The following EIF3A variants were observed in gnomAD, a reference collection of about 807,000 sequenced individuals.
The protein encoded by EIF3A is eukaryotic translation initiation factor 3 subunit A.
EIF3A carries 21 observed loss-of-function variants against 186.6 expected under a neutral mutation model. That is an observed-to-expected ratio of 0.11 (90% CI 0.08 to 0.16). The LOEUF (loss-of-function observed/expected upper bound fraction) is 0.16, where lower values mean the gene tolerates loss of function less well. Among genes scored for constraint, EIF3A ranks in the 10% least tolerant of loss-of-function variants. EIF3A has a pLI of 1.00. For synonymous variants in EIF3A, 563 were observed against 584.3 expected (o/e 0.96, Z 0.52); for missense variants, 1,306 against 1,796.3 (o/e 0.73, Z 4.93).
At chr10:119,060,890 G>A (rs370488629) in intron 8 of EIF3A, 46 bp from the exon 9 acceptor site, 10 of 1,303,064 alleles carry the variant, frequency 7.7e-6, no homozygotes, top group East Asian at 7.1e-5. Flanking sequence ...TTCTACATAA[G>A]AGATACTAAA....
intron 6 of EIF3A, among the ~76,000 whole-genome samples, chr10:119,067,910 A>C (rs1844006419): frequency 6.6e-6 from 1 of 152,084 alleles, no homozygotes; most frequent in South Asian, 2.1e-4. Context: ...TCCCAGGTTC[A>C]AGCCATTCTC....
intron 4 of EIF3A, among the ~76,000 whole-genome samples, chr10:119,071,290 T>C (rs1844065873): frequency 6.6e-6 from 1 of 152,188 alleles, no homozygotes; most frequent in Non-Finnish European, 1.5e-5. Flanking sequence ...ACATAATCAC[T>C]GGTCCTTGCT....
intron 7 of EIF3A, among the ~76,000 whole-genome samples, chr10:119,063,046 G>A (rs1199245271): frequency 1.3e-5 from 2 of 151,952 alleles, no homozygotes; most frequent in South Asian, 2.1e-4. Context: ...GAGCCACCGC[G>A]CCTAGCCAAG....
intron 7 of EIF3A, 29 bp downstream of exon 7, chr10:119,065,370 G>A (rs908742886): frequency 4.1e-5 from 63 of 1,555,202 alleles, no homozygotes; most frequent in Non-Finnish European, 5.4e-5. Context: ...TCTGCCCAAA[G>A]CTACAAAAAT....
At position 119,059,344 on chromosome 10, in the gene EIF3A, A is replaced by G. The variant is rs761397980; in HGVS notation, c.1497T>C (p.Tyr499=). The G allele has an allele frequency of 1.9e-5, 30 of 1,611,828 alleles. No individual in the cohort carries two copies. Among genetic ancestry groups the G allele is most frequent in the Non-Finnish European group, 2.3e-5 (27 of 1,179,208 alleles). ...RTLSFGSDLN[Y]ATREDAPIGP... is the part of the protein sequence containing the mutation. ...CAATCGGAGCATCTTCTCGAGTAGCATAATTCAAATCAGATCCAAAACTCA... is the reference window on the plus strand; with the variant it reads ...CAATCGGAGCATCTTCTCGAGTAGCGTAATTCAAATCAGATCCAAAACTCA... The change falls in exon 11 of 22, where the codon TAT becomes TAC. Residue 499 remains tyrosine, a synonymous_variant. Coordinates refer to ENST00000369144, the MANE Select transcript of EIF3A (RefSeq NM_003750.4).
Position 119,073,550 on chromosome 10 carries a change from C to T in EIF3A, c.268G>A (p.Val90Ile). Residue 90 changes from valine (V) to isoleucine (I), a missense_variant, in exon 3 of 22, where the codon GTT (valine) becomes ATT (isoleucine). Physicochemically the swap from Val to Ile is conservative, Grantham distance 29 (BLOSUM62 3). Around this residue, in one of 8 missense-constraint regions of EIF3A, gnomAD observed 130 missense variants for 259.3 expected, o/e 0.50. Coordinates refer to ENST00000369144, the MANE Select transcript of EIF3A (RefSeq NM_003750.4). The part of the protein sequence containing the change: ...QVNIKSLEDV[V>I]RAYLKMAEEK... Reference sequence around the variant, plus strand: ...TCTGCCATTTTCAAATATGCCCTAACAACATCCTCCAGAGATTTTATGTTC... The same window carrying T: ...TCTGCCATTTTCAAATATGCCCTAATAACATCCTCCAGAGATTTTATGTTC... 1 of 1,613,052 alleles carries T rather than the reference C, an allele frequency of 6.2e-7. No homozygotes were observed. The highest frequency in any genetic ancestry group is 8.5e-7 in the Non-Finnish European group (1 of 1,179,450).
At chr10:119,064,269 A>C (rs753819422) in intron 7 of EIF3A, among the ~76,000 whole-genome samples, 2 of 152,226 alleles carry the variant, frequency 1.3e-5, no homozygotes, top group African/African-American at 2.4e-5. Flanking sequence ...AAAATATTTT[A>C]GTTCTTCAGA....
At position 119,050,622 on chromosome 10, in the gene EIF3A, A is replaced by G. The variant is rs771793248; in HGVS notation, c.2372T>C (p.Leu791Ser). The G allele has an allele frequency of 6.2e-7, 1 of 1,614,086 alleles. No homozygotes were observed. The highest frequency in any genetic ancestry group is 2.2e-5 in the East Asian group (1 of 44,882). Residue 791 changes from leucine (L) to serine (S), a missense_variant, in exon 16 of 22, where the codon TTG becomes TCG. Leu to Ser is a moderately radical substitution (Grantham distance 145). This residue lies in a region of EIF3A where 410 missense variants were observed against 473.5 expected (regional missense o/e 0.87). Coordinates refer to ENST00000369144, the MANE Select transcript of EIF3A (RefSeq NM_003750.4). The part of the protein sequence containing the change: ...ERLAEERHNR[L>S]EERKRQRKEE... The stretch of plus-strand genomic sequence containing the variant: ...TTTACGCTGCCTTTTCCGTTCTTCC[A>G]ATCGATTATGCCTTTCTTCTGCTAA...
intron 7 of EIF3A, among the ~76,000 whole-genome samples, chr10:119,063,463 T>C (rs971431416): frequency 6.6e-6 from 1 of 152,238 alleles, no homozygotes; most frequent in Non-Finnish European, 1.5e-5. Context: ...AGGTGTTTCC[T>C]CAGAATACAT....
chr10:119,076,868 G>A (rs1257548493), intron 1 of EIF3A, among the ~76,000 whole-genome samples: 14 of 149,810 alleles, frequency 9.3e-5, no homozygotes, highest in South Asian at 6.3e-4. Flanking sequence ...CCCAGGAGGC[G>A]GAGGTTGCAG....
chr10:119,041,546 TGTGCAACAGAGCAA>T (rs922947429), intron 19 of EIF3A, among the ~76,000 whole-genome samples: 1 of 152,250 alleles, frequency 6.6e-6, no homozygotes, highest in Non-Finnish European at 1.5e-5. Context: ...CATTCCAGCC[TGTGCAACAGAGCAA>T]GACCCTGTCT....
chr10:119,071,121 C>T (rs763671408), intron 4 of EIF3A, 36 bp from the exon 5 acceptor site: 2 of 1,379,314 alleles, frequency 1.5e-6, no homozygotes, highest in South Asian at 1.2e-5. Context: ...TAGGTACCTT[C>T]CACTATCTAC....
chr10:119,038,488 A>T, intron 19 of EIF3A, 49 bp from the exon 20 acceptor site: 1 of 1,479,266 alleles, frequency 6.8e-7, no homozygotes, highest in South Asian at 1.2e-5. Context: ...TTAAAAGAAG[A>T]AACAGATTGG....
In EIF3A at chr10:119,072,886, T is replaced by C; in HGVS notation, c.541+4A>G. On this transcript the variant is annotated splice_donor_region_variant and intron_variant, in intron 4 of 21. Transcript: ENST00000369144. ...TTCACTCAGATTTGATCTTCTCATC[T>C]TACCTTGCTGGGCAATATCATGGTA... 1 of 1,603,382 alleles carries C rather than the reference T, an allele frequency of 6.2e-7. No individual in the cohort carries two copies. Among genetic ancestry groups the C allele is most frequent in the Non-Finnish European group, 8.5e-7 (1 of 1,177,174 alleles).
Position 119,061,206 on chromosome 10 carries a change from T to C in EIF3A, c.1227+18A>G. 7.0e-7 allele frequency: 1 copy of C among 1,423,608 alleles called. No individual in the cohort carries two copies. The highest frequency in any genetic ancestry group is 9.7e-7 in the Non-Finnish European group (1 of 1,026,506). The allele number at this position is 1,423,608 out of a possible 1,614,324, so 88.2% of individuals were successfully genotyped here. A position where few individuals can be genotyped will look rare whatever the true frequency, so the allele number is the denominator to read the frequency against. ...CCAACTCTGTGGTAACAACCAGAAC[T>C]TAAATACAAAGGCTTACCTTTGTGA... On this transcript the variant is annotated intron_variant, in intron 8 of 21. Coordinates refer to ENST00000369144, the MANE Select transcript of EIF3A (RefSeq NM_003750.4).
chr10:119,036,399 C>A (rs1354807640), intron 21 of EIF3A, 131 bp from the exon 22 acceptor site: 4 of 629,988 alleles, frequency 6.3e-6, no homozygotes, highest in Admixed American at 5.9e-5. Context: ...CTGTTAAATT[C>A]TGTATTGTTA....
rs1049127428 is a variant in EIF3A at position 119,050,793 on chromosome 10, C to T, written c.2320-119G>A. On this transcript the variant is annotated intron_variant, in intron 15 of 21. Coordinates refer to ENST00000369144, the MANE Select transcript of EIF3A (RefSeq NM_003750.4). ...GTGTATCAGAATCATCGAAAGCAAC[C>T]TCTCAGCACAAAAACTCTAACTTCC... The T allele has an allele frequency of 5.6e-6, 6 of 1,070,826 alleles. No homozygotes were observed. In the African/African-American group the frequency reaches 8.0e-5, roughly 14 times the overall value. The allele number at this position is 1,070,826 out of a possible 1,614,324, so 66.3% of individuals were successfully genotyped here.
chr10:119,049,615 G>A lies in EIF3A; in HGVS notation c.2658+186C>T, dbSNP rs1161475764. ...ACAATTACAAAAATCAGCCAGGCATGGTGGTATGCACCTGTAATCTCAGCT... is the reference window on the plus strand; with the variant it reads ...ACAATTACAAAAATCAGCCAGGCATAGTGGTATGCACCTGTAATCTCAGCT... On this transcript the variant is annotated intron_variant, in intron 17 of 21. Coordinates refer to ENST00000369144, the MANE Select transcript of EIF3A (RefSeq NM_003750.4). Among the ~76,000 whole-genome samples the A allele has an allele frequency of 2.6e-5, 4 of 151,836 alleles. No homozygotes were observed. The East Asian group carries it at 7.7e-4, about 29-fold the overall frequency.
chr10:119,074,082 A>G lies in EIF3A; in HGVS notation c.50-145T>C, dbSNP rs1844118663. ...TATTTTTGACTTCTAAAGCTATGCCATAATTATCAAAAGTAAAACAACAGA... is the reference window on the plus strand; with the variant it reads ...TATTTTTGACTTCTAAAGCTATGCCGTAATTATCAAAAGTAAAACAACAGA... On this transcript the variant is annotated intron_variant, in intron 1 of 21. Coordinates refer to ENST00000369144, the MANE Select transcript of EIF3A (RefSeq NM_003750.4). The G allele has an allele frequency of 4.6e-6, 3 of 652,272 alleles. No homozygotes were observed. The South Asian group carries it at 8.3e-5, about 18-fold the overall frequency. 40.4% of individuals were successfully genotyped at this position (652,272 alleles called of 1,614,324 possible).
Sources: allele counts gnomAD v4.1 joint callset (sites outside exome capture counted in the v4.1 genomes callset), GRCh38; gene constraint gnomAD v4.1.1; regional missense constraint gnomAD v4.1.1; transcripts MANE v1.5; gene names NCBI Gene and HGNC (gene_info 2026-07-23, HGNC 2026-07-21).